PPFIA2: variants seen among roughly 807,000 people sequenced by gnomAD.
PPFIA2 encodes liprin-alpha-2.
A neutral mutation model predicts 175.5 loss-of-function variants in PPFIA2; 46 were observed. That is an observed-to-expected ratio of 0.26 (90% CI 0.21 to 0.34). The LOEUF is 0.34. Among genes scored for constraint, PPFIA2 ranks in the 10% least tolerant of loss-of-function variants. PPFIA2 has a pLI of 1.00. For missense variants in PPFIA2, 1,179 were observed against 1,506.1 expected (o/e 0.78, Z 3.60); for synonymous variants, 568 against 511.4 (o/e 1.11, Z -1.49).
chr12:81,261,041 G>A (rs2035318064), intron 32 of PPFIA2: 1 of 151,940 alleles, frequency 6.6e-6, no homozygotes, highest in South Asian at 2.1e-4. Context: ...TCAAATGCTT[G>A]GTATTTATGG....
intron 23 of PPFIA2, among the ~76,000 whole-genome samples, chr12:81,297,047 T>G (rs2046630608): frequency 6.6e-6 from 1 of 152,078 alleles, no homozygotes; most frequent in Non-Finnish European, 1.5e-5. Context: ...CACTCTGGAG[T>G]AAGTCAGATC....
Position 81,537,766 on chromosome 12 carries a change from C to A in PPFIA2, c.304-79900G>T, listed in dbSNP as rs78966554. Among the ~76,000 whole-genome samples, 715 of 151,922 alleles carry A rather than the reference C, an allele frequency of 4.7e-3. 9 individuals are homozygous for A. The highest frequency in any genetic ancestry group is 0.026 in the East Asian group (133 of 5,160). Reference sequence around the variant, plus strand: ...TTCCAGGGCCTGACACCATGCCTGGCCTGCCCCATGTCTGACCTCTGCAAA... The same window carrying A: ...TTCCAGGGCCTGACACCATGCCTGGACTGCCCCATGTCTGACCTCTGCAAA... On this transcript the variant is annotated intron_variant, in intron 4 of 32. Transcript: ENST00000549396.
intron 3 of PPFIA2, among the ~76,000 whole-genome samples, chr12:81,746,101 C>T (rs2083028999): frequency 6.9e-6 from 1 of 144,724 alleles, no homozygotes; most frequent in African/African-American, 2.4e-5. Context: ...TAATTAGCTT[C>T]ATCTCCAACA....
chr12:81,362,780 C>A lies in PPFIA2; in HGVS notation c.1550G>T (p.Arg517Ile). Residue 517 changes from arginine to isoleucine, a missense_variant, in exon 15 of 33, where the codon AGA becomes ATA. This residue lies in a region of PPFIA2 where 186 missense variants were observed against 163.6 expected (regional missense o/e 1.14). Coordinates refer to ENST00000549396, the MANE Select transcript of PPFIA2 (RefSeq NM_003625.5). Reference sequence around the variant, plus strand: ...CAGCTTTTCAATTTCTTCTGCTAATCTTTCCTAAAAAATCAAAACAGTGTT... The same window carrying A: ...CAGCTTTTCAATTTCTTCTGCTAATATTTCCTAAAAAATCAAAACAGTGTT... ...NLEESLHDKE[R>I]LAEEIEKLRS... The A allele has an allele frequency of 6.5e-7, 1 of 1,541,834 alleles. No individual in the cohort carries two copies. The highest frequency in any genetic ancestry group is 8.8e-7 in the Non-Finnish European group (1 of 1,139,870).
intron 3 of PPFIA2, among the ~76,000 whole-genome samples, chr12:81,724,523 C>T (rs1206342948): frequency 6.6e-6 from 1 of 150,796 alleles, no homozygotes; most frequent in African/African-American, 2.4e-5. Context: ...ATTTCACTCT[C>T]TTATGTCCAC....
At chr12:81,446,834 T>C (rs1015248277) in intron 5 of PPFIA2, among the ~76,000 whole-genome samples, 4 of 152,244 alleles carry the variant, frequency 2.6e-5, no homozygotes, top group Non-Finnish European at 4.4e-5. Flanking sequence ...TATACCACTG[T>C]TAGATTCATT....
At chr12:81,535,578 A>G (rs1010495794) in intron 4 of PPFIA2, 1 of 397,868 alleles carries the variant, frequency 2.5e-6, no homozygotes, top group African/African-American at 2.1e-5. Context: ...TCTAGATACT[A>G]CCTTGGCAAG....
rs937321017 is a variant in PPFIA2, at chr12:81,748,486, A to G, written c.249+5487T>C. On this transcript the variant is annotated intron_variant, in intron 3 of 32. Transcript: ENST00000549396. ...CCTATTTGGCTCTTACTCCTCTTCC[A>G]TGATCATGAGAACCTGCCAGGGCTA... Among the ~76,000 whole-genome samples the G allele has an allele frequency of 2.8e-5, 4 of 144,788 alleles. No individual in the cohort carries two copies. In the Admixed American group the frequency reaches 2.9e-4, roughly 11 times the overall value. 95.0% of individuals were successfully genotyped at this position (144,788 alleles called of 152,430 possible).
chr12:81,519,908 G>C (rs574018215), intron 4 of PPFIA2, among the ~76,000 whole-genome samples: 36 of 152,256 alleles, frequency 2.4e-4, no homozygotes, highest in African/African-American at 7.7e-4. Context: ...ATGTAATAAA[G>C]TTTAATTTGT....
intron 22 of PPFIA2, among the ~76,000 whole-genome samples, chr12:81,325,216 A>G (rs1387771364): frequency 1.3e-5 from 2 of 152,050 alleles, no homozygotes; most frequent in Non-Finnish European, 2.9e-5. Context: ...TTTGGGAACT[A>G]CTTGCTTTCC....
intron 4 of PPFIA2, among the ~76,000 whole-genome samples, chr12:81,478,200 G>C (rs1448391227): frequency 6.6e-6 from 1 of 152,130 alleles, no homozygotes; most frequent in East Asian, 1.9e-4. Flanking sequence ...TTTGCATAGA[G>C]ATGTTTATAG....
At chr12:81,602,298 T>C (rs988181276) in intron 4 of PPFIA2, among the ~76,000 whole-genome samples, 8 of 148,138 alleles carry the variant, frequency 5.4e-5, no homozygotes, top group Admixed American at 5.3e-4. Context: ...GTTTGTATAA[T>C]ACAACTGCAG....
At chr12:81,595,318 G>A (rs775168647) in intron 4 of PPFIA2, among the ~76,000 whole-genome samples, 2 of 151,698 alleles carry the variant, frequency 1.3e-5, no homozygotes, top group South Asian at 2.1e-4. Flanking sequence ...ATATATTTGA[G>A]TCCTACAAAT....
intron 26 of PPFIA2, chr12:81,282,694 T>A (rs538874273): frequency 5.2e-6 from 1 of 191,194 alleles, no homozygotes; most frequent in East Asian, 1.2e-4. Flanking sequence ...TAGATCCAAC[T>A]TGAATGCTTC....
intron 4 of PPFIA2, among the ~76,000 whole-genome samples, chr12:81,476,031 G>C (rs984460324): frequency 6.6e-6 from 1 of 152,162 alleles, no homozygotes; most frequent in African/African-American, 2.4e-5. Context: ...TGGTCAAACT[G>C]ATGTCTTTTT....
chr12:81,435,189 T>A (rs1803075418), intron 7 of PPFIA2, among the ~76,000 whole-genome samples: 1 of 152,184 alleles, frequency 6.6e-6, no homozygotes, highest in South Asian at 2.1e-4. Flanking sequence ...TAAGGCACTT[T>A]TGTGTAAATT....
intron 14 of PPFIA2, among the ~76,000 whole-genome samples, chr12:81,366,312 T>C (rs1245389098): frequency 6.6e-6 from 1 of 151,640 alleles, no homozygotes; most frequent in East Asian, 1.9e-4. Flanking sequence ...TTTCCTCTTC[T>C]ACCACATACC....
intron 4 of PPFIA2, among the ~76,000 whole-genome samples, chr12:81,518,130 G>T (rs983318749): frequency 2.6e-5 from 4 of 152,112 alleles, no homozygotes; most frequent in African/African-American, 9.6e-5. Flanking sequence ...CACAAAAAAT[G>T]CCCCAGATTT....
chr12:81,412,915 C>T (rs144022728), intron 7 of PPFIA2, among the ~76,000 whole-genome samples: 1 of 151,986 alleles, frequency 6.6e-6, no homozygotes, highest in African/African-American at 2.4e-5. Flanking sequence ...GCTTCGATCA[C>T]ACATATAAAA....
Sources: gnomAD v4.1 joint callset for allele counts (sites outside exome capture counted in the v4.1 genomes callset) on GRCh38, gnomAD v4.1.1 for gene constraint, gnomAD v4.1.1 regional missense constraint, MANE v1.5 for transcripts, NCBI Gene and HGNC (gene_info 2026-07-23, HGNC 2026-07-21) for gene names.